The following SAMM50 variants were observed in gnomAD, a reference collection of about 807,000 sequenced individuals.
SAMM50 encodes SAMM50 sorting and assembly machinery component.
In SAMM50, 47 loss-of-function variants were observed where a neutral mutation model predicts 66.9. The ratio of observed to expected loss-of-function variants is 0.70; its 90% confidence interval spans 0.56 to 0.90. The LOEUF (loss-of-function observed/expected upper bound fraction) is 0.90, where lower values mean the gene tolerates loss of function less well. Ranked by LOEUF, SAMM50 falls within the 40% of genes least tolerant of loss-of-function variation. The pLI, the probability that SAMM50 is intolerant of heterozygous loss-of-function variation, is 0.00. For synonymous variants in SAMM50, 191 were observed against 214.1 expected (o/e 0.89, Z 0.94); for missense variants, 535 against 595.3 (o/e 0.90, Z 1.05).
In SAMM50 at chr22:43,959,079, C is replaced by T. The variant is rs541395224; in HGVS notation, c.21+3481C>T. ...TGTCTCCCAGGCTGGAGTGCAGTGGCGTGATCTTGGCTCACTGCAACTTCT... is the reference window on the plus strand; with the variant it reads ...TGTCTCCCAGGCTGGAGTGCAGTGGTGTGATCTTGGCTCACTGCAACTTCT... On this transcript the variant is annotated intron_variant, in intron 1 of 14. Coordinates refer to ENST00000350028, the MANE Select transcript of SAMM50 (RefSeq NM_015380.5). 3.6e-4 allele frequency among the ~76,000 whole-genome samples: 52 copies of T among 143,402 alleles called. 1 individual carries two copies. The highest frequency in any genetic ancestry group is 6.1e-4 in the Non-Finnish European group (41 of 66,910). 94.1% of individuals were successfully genotyped at this position (143,402 alleles called of 152,430 possible).
At position 43,971,184 on chromosome 22, in the gene SAMM50, C is replaced by T. The variant is rs74663225; in HGVS notation, c.323-1052C>T. 7.0e-3 allele frequency among the ~76,000 whole-genome samples: 1,068 copies of T among 152,232 alleles called. 9 individuals carry two copies. The highest frequency in any genetic ancestry group is 0.025 in the African/African-American group (1,023 of 41,560). ...CTCCATCTCAGAAAAAAAGAAAAGA[C>T]AGTACTGAGGCTCCACCCTAGAACT... On this transcript the variant is annotated intron_variant, in intron 4 of 14. Transcript: ENST00000350028.
chr22:43,959,376 A>T (rs539267273), intron 1 of SAMM50, among the ~76,000 whole-genome samples: 73 of 152,010 alleles, frequency 4.8e-4, no homozygotes, highest in African/African-American at 1.5e-3. Flanking sequence ...GCTGTTCATA[A>T]CTCATTCATT....
rs200448423 is a variant in SAMM50 at position 43,990,439 on chromosome 22, T to C, written c.1364+33T>C. The C allele has an allele frequency of 3.4e-4, 539 of 1,598,778 alleles. 2 individuals carry two copies. The highest frequency in any genetic ancestry group is 2.6e-3 in the Admixed American group (154 of 59,026). On this transcript the variant is annotated intron_variant, in intron 14 of 14. Transcript: ENST00000350028. ...TTGGGAATTATTTTCCACAATCACA[T>C]CCCACTCTCCAGTAATTTTATTTTG... is the stretch of plus-strand genomic sequence containing the variant.
At chr22:43,962,849 C>T (rs974490564) in intron 1 of SAMM50, among the ~76,000 whole-genome samples, 1 of 132,986 alleles carries the variant, frequency 7.5e-6, no homozygotes, top group African/African-American at 2.9e-5. Flanking sequence ...CATGACATGT[C>T]ATCATGGATT....
chr22:43,993,029 T>G (rs2050333498), intron 14 of SAMM50, among the ~76,000 whole-genome samples: 1 of 152,278 alleles, frequency 6.6e-6, no homozygotes, highest in Non-Finnish European at 1.5e-5. Context: ...TTTCTTTCTA[T>G]GAAGCCCTTA....
At chr22:43,963,208 C>G in intron 1 of SAMM50, 78 bp from the exon 2 acceptor site, 1 of 873,944 alleles carries the variant, frequency 1.1e-6, no homozygotes, top group Non-Finnish European at 1.8e-6. Flanking sequence ...GCAGCACCAT[C>G]TAAAGACAAA....
chr22:43,981,134 A>G (rs2050262535), intron 10 of SAMM50, among the ~76,000 whole-genome samples: 2 of 152,188 alleles, frequency 1.3e-5, no homozygotes, highest in African/African-American at 4.8e-5. Context: ...CCTGTGTCCG[A>G]ATGGAAGCCG....
At chr22:43,973,892 T>C (rs1043758700) in intron 7 of SAMM50, among the ~76,000 whole-genome samples, 7 of 152,136 alleles carry the variant, frequency 4.6e-5, no homozygotes, top group Non-Finnish European at 2.9e-5. Context: ...GGATTACAGG[T>C]GTGAGCCACT....
Position 43,989,264 on chromosome 22 carries a change from CTT to C in SAMM50, c.1222+8_1222+9del. On this transcript the variant is annotated splice_region_variant and intron_variant, in intron 13 of 14. Transcript: ENST00000350028. Reference sequence around the variant, plus strand: ...CTCTGCAACCTCAACTATGGTAAAACTTGCGCTATTCAAGAAACCATTGTAGT... The same window carrying C: ...CTCTGCAACCTCAACTATGGTAAAACGCGCTATTCAAGAAACCATTGTAGT... The C allele has an allele frequency of 1.2e-6, 2 of 1,613,618 alleles. No homozygotes were observed. The highest frequency in any genetic ancestry group is 1.7e-6 in the Non-Finnish European group (2 of 1,179,800).
intron 2 of SAMM50, 23 bp downstream of exon 2, chr22:43,963,419 T>C (rs1330253018): frequency 5.5e-6 from 8 of 1,457,526 alleles, no homozygotes; most frequent in South Asian, 2.3e-5. Context: ...TTGAAGGTCT[T>C]GATAGAATTG....
intron 2 of SAMM50, among the ~76,000 whole-genome samples, 170 bp downstream of exon 2, chr22:43,963,566 T>A (rs2050158337): frequency 6.6e-6 from 1 of 152,246 alleles, no homozygotes; most frequent in African/African-American, 2.4e-5. Flanking sequence ...CAGTTTCTAT[T>A]TTTAAAGAAG....
intron 13 of SAMM50, 70 bp from the exon 14 acceptor site, chr22:43,990,195 T>C (rs866669333): frequency 6.3e-7 from 1 of 1,590,772 alleles, no homozygotes. Context: ...AGCCAGGGCT[T>C]GTCTGGGAGA....
At chr22:43,988,466 T>G (rs1253576774) in intron 12 of SAMM50, 1 of 152,124 alleles carries the variant, frequency 6.6e-6, no homozygotes, top group Non-Finnish European at 1.5e-5. Context: ...GCTTTATAGT[T>G]TAAAATGGAA....
At chr22:43,988,958 G>T in intron 12 of SAMM50, 153 bp from the exon 13 acceptor site, 1 of 612,746 alleles carries the variant, frequency 1.6e-6, no homozygotes, top group Non-Finnish European at 2.8e-6. Flanking sequence ...GAGGCCATCA[G>T]TATCAGGAAT....
intron 10 of SAMM50, among the ~76,000 whole-genome samples, chr22:43,978,360 C>T (rs895671564): frequency 7.2e-6 from 1 of 138,306 alleles, no homozygotes; most frequent in African/African-American, 2.7e-5. Flanking sequence ...GCATGAACTC[C>T]GGAGGCAGAG....
chr22:43,971,122 C>A (rs1213544158), intron 4 of SAMM50, among the ~76,000 whole-genome samples: 1 of 152,142 alleles, frequency 6.6e-6, no homozygotes, highest in Non-Finnish European at 1.5e-5. Flanking sequence ...GAGCTGAGAT[C>A]ATCCGACTGC....
At chr22:43,985,466 G>A (rs955114594) in intron 12 of SAMM50, among the ~76,000 whole-genome samples, 1 of 152,030 alleles carries the variant, frequency 6.6e-6, no homozygotes. Context: ...GCCTTTTCAA[G>A]TTGTCTTCTT....
rs57081113 is a variant in SAMM50, at chr22:43,962,160, A to C, written c.22-1126A>C. ...CTAGCCTACTTTAAACGTGCTCACG[A>C]CACTTACATTAGCCTACAGTTGGGC... On this transcript the variant is annotated intron_variant, in intron 1 of 14. Transcript: ENST00000350028. Among the ~76,000 whole-genome samples, 1,068 of 152,350 alleles carry C rather than the reference A, an allele frequency of 7.0e-3. 15 individuals carry two copies. Among genetic ancestry groups the C allele is most frequent in the African/African-American group, 0.025 (1,019 of 41,566 alleles).
At chr22:43,960,250 T>C (rs2050141090) in intron 1 of SAMM50, among the ~76,000 whole-genome samples, 1 of 152,206 alleles carries the variant, frequency 6.6e-6, no homozygotes, top group South Asian at 2.1e-4. Flanking sequence ...TGGGAAATTA[T>C]CCATTCTTTG....
Sources: allele counts gnomAD v4.1 joint callset (sites outside exome capture counted in the v4.1 genomes callset), GRCh38; gene constraint gnomAD v4.1.1; transcripts MANE v1.5; gene names NCBI Gene and HGNC (gene_info 2026-07-23, HGNC 2026-07-21).